Variants in RAD54B observed in about 807,000 individuals in gnomAD.
RAD54B encodes DNA repair and recombination protein RAD54B.
In RAD54B, 78 loss-of-function variants were observed where a neutral mutation model predicts 95.8. That is an observed-to-expected ratio of 0.81 (90% CI 0.68 to 0.98). The LOEUF (loss-of-function observed/expected upper bound fraction) is 0.98. Ranked by LOEUF, RAD54B falls within the 50% of genes least tolerant of loss-of-function variation. The pLI, the probability that RAD54B is intolerant of heterozygous loss-of-function variation, is 0.00. For synonymous variants in RAD54B, 328 were observed against 354.9 expected, an observed-to-expected ratio of 0.92 and a Z score of 0.85; for missense variants, 957 against 1,056.6, an observed-to-expected ratio of 0.91 and a Z score of 1.31.
chr8:94,438,197 T>C (rs1319114570), intron 3 of RAD54B, among the ~76,000 whole-genome samples: 1 of 152,222 alleles, frequency 6.6e-6, no homozygotes, highest in African/African-American at 2.4e-5. Flanking sequence ...TTTTTCATTC[T>C]TTTAACAATG....
In RAD54B at chr8:94,474,989, T is replaced by G. The variant is rs1204162803; in HGVS notation, c.-17+12A>C. ...TGTCGCAGCCTCCCGAGCTTCCCCC[T>G]GCAGGACGCACCGGCGAAAATCTGA... On this transcript the variant is annotated intron_variant, in intron 1 of 14. Coordinates refer to ENST00000336148, the MANE Select transcript of RAD54B (RefSeq NM_012415.3). 1 of 152,436 alleles carries G rather than the reference T, an allele frequency of 6.6e-6. No homozygotes were observed. The highest frequency in any genetic ancestry group is 1.5e-5 in the Non-Finnish European group (1 of 68,226). 9.4% of individuals were successfully genotyped at this position (152,436 alleles called of 1,614,324 possible).
In RAD54B at chr8:94,465,704, T is replaced by C. The variant is rs1472391788; in HGVS notation, c.135+1701A>G. Among the ~76,000 whole-genome samples the C allele has an allele frequency of 2.0e-5, 3 of 152,242 alleles. No individual in the cohort carries two copies. In the East Asian group the frequency reaches 5.8e-4, roughly 29 times the overall value. ...ACAGGAACACAAACAGAAACTTGGA[T>C]GCCAATGTTCACAGCAGCATTATTC... On this transcript the variant is annotated intron_variant, in intron 2 of 14. Coordinates refer to ENST00000336148, the MANE Select transcript of RAD54B (RefSeq NM_012415.3).
intron 3 of RAD54B, among the ~76,000 whole-genome samples, chr8:94,423,149 C>A (rs112893998): frequency 3.3e-5 from 5 of 151,974 alleles, no homozygotes; most frequent in Non-Finnish European, 7.4e-5. Context: ...TTTGGGAGGC[C>A]GAGGCAGGCT....
At chr8:94,458,487 T>C in intron 2 of RAD54B, 51 bp from the exon 3 acceptor site, 1 of 1,236,128 alleles carries the variant, frequency 8.1e-7, no homozygotes, top group Non-Finnish European at 1.0e-6. Context: ...TAATTTTCTG[T>C]ATTTTCTGTA....
chr8:94,436,391 C>T, intron 3 of RAD54B: 1 of 1,333,720 alleles, frequency 7.5e-7, no homozygotes. Context: ...TTCATTGCTC[C>T]CGTTGTGGGG....
In RAD54B at chr8:94,426,311, G is replaced by T. The variant is rs1367974073; in HGVS notation, c.305-14996C>A. 4.0e-5 allele frequency among the ~76,000 whole-genome samples: 6 copies of T among 151,228 alleles called. No homozygotes were observed. In the East Asian group the frequency reaches 1.2e-3, roughly 29 times the overall value. ...TACCCTGTTGATGGAAGTGTAAAAT[G>T]ATATAATCACTTTAGAAAATGTCTG... On this transcript the variant is annotated intron_variant, in intron 3 of 14. Coordinates refer to ENST00000336148, the MANE Select transcript of RAD54B (RefSeq NM_012415.3).
intron 3 of RAD54B, chr8:94,428,793 A>C: frequency 1.0e-6 from 1 of 985,306 alleles, no homozygotes; most frequent in Non-Finnish European, 1.2e-6. Context: ...ACTTGTCCTC[A>C]ACAAAAACTG....
At chr8:94,448,663 T>C (rs1310626342) in intron 3 of RAD54B, among the ~76,000 whole-genome samples, 3 of 146,866 alleles carry the variant, frequency 2.0e-5, no homozygotes, top group Non-Finnish European at 3.0e-5. Context: ...AGAAAAATAC[T>C]GCATCTCACG....
intron 13 of RAD54B, 49 bp from the exon 14 acceptor site, chr8:94,378,429 A>AT: frequency 6.5e-7 from 1 of 1,547,898 alleles, no homozygotes; most frequent in Non-Finnish European, 8.8e-7. Flanking sequence ...TATGTTCATT[A>AT]TTTTTGTTGG....
chr8:94,389,543 C>T (rs762634011), intron 10 of RAD54B, among the ~76,000 whole-genome samples: 3 of 152,260 alleles, frequency 2.0e-5, no homozygotes, highest in East Asian at 1.9e-4. Flanking sequence ...TCAAGCTAAT[C>T]GCGACACTAT....
chr8:94,436,406 TTAC>T, intron 3 of RAD54B: 1 of 1,398,290 alleles, frequency 7.2e-7, no homozygotes, highest in Non-Finnish European at 9.4e-7. Context: ...GTGGGGATGC[TTAC>T]TATGCATATC....
At chr8:94,396,875 G>A (rs921651990) in intron 8 of RAD54B, among the ~76,000 whole-genome samples, 7 of 152,132 alleles carry the variant, frequency 4.6e-5, no homozygotes, top group Non-Finnish European at 7.4e-5. Flanking sequence ...AGAAGAGAGA[G>A]AGATACTCCA....
intron 3 of RAD54B, among the ~76,000 whole-genome samples, chr8:94,448,694 T>TTAAA (rs1554609363): frequency 7.2e-6 from 1 of 138,330 alleles, no homozygotes. Flanking sequence ...AATGTTACTT[T>TTAAA]AAAAAAAAAA....
At position 94,378,501 on chromosome 8, in the gene RAD54B, A is replaced by G. The variant is rs1009469310; in HGVS notation, c.2314+67T>C. 4.1e-6 allele frequency: 6 copies of G among 1,472,162 alleles called. No individual in the cohort carries two copies. In the African/African-American group the frequency reaches 7.1e-5, roughly 17 times the overall value. The allele number at this position is 1,472,162 out of a possible 1,614,324, so 91.2% of individuals were successfully genotyped here. On this transcript the variant is annotated intron_variant, in intron 13 of 14. Transcript: ENST00000336148. ...CAATATATTCCTGACACTGAAGCACAGGCTAACAAAAAATAATTTTAATTA... is the reference window on the plus strand; with the variant it reads ...CAATATATTCCTGACACTGAAGCACGGGCTAACAAAAAATAATTTTAATTA...
chr8:94,386,938 A>G, intron 11 of RAD54B, 46 bp downstream of exon 11: 1 of 1,371,272 alleles, frequency 7.3e-7, no homozygotes, highest in Non-Finnish European at 9.7e-7. Flanking sequence ...AAATAGTGCA[A>G]ACTAAAACTC....
Position 94,467,460 on chromosome 8 carries a change from T to C in RAD54B, c.80A>G (p.Asn27Ser). The change falls in exon 2 of 15, where the codon AAT becomes AGT. Residue 27 changes from asparagine to serine, a missense_variant. Transcript: ENST00000336148. ...KPKFIPPGRSNPGLNEEITKL... is the reference protein window; with the variant it reads ...KPKFIPPGRSSPGLNEEITKL... ...TGTAATCTCTTCATTCAGACCTGGATTACTTCTTCCTGGAGGTATAAATTT... is the reference window on the plus strand; with the variant it reads ...TGTAATCTCTTCATTCAGACCTGGACTACTTCTTCCTGGAGGTATAAATTT... 1 of 1,613,684 alleles carries C rather than the reference T, an allele frequency of 6.2e-7. No individual in the cohort carries two copies. The highest frequency in any genetic ancestry group is 8.5e-7 in the Non-Finnish European group (1 of 1,179,812).
chr8:94,422,775 T>TATATATATAA (rs1480138158), intron 3 of RAD54B, among the ~76,000 whole-genome samples: 4 of 143,034 alleles, frequency 2.8e-5, no homozygotes, highest in African/African-American at 1.0e-4. Context: ...TATATATATA[T>TATATATATAA]AATTGTTAGG....
At chr8:94,435,589 G>A (rs1475615059) in intron 3 of RAD54B, among the ~76,000 whole-genome samples, 1 of 152,020 alleles carries the variant, frequency 6.6e-6, no homozygotes, top group African/African-American at 2.4e-5. Context: ...GAATGTAGCT[G>A]CCATTTTTAT....
At chr8:94,456,234 C>T (rs774884691) in intron 3 of RAD54B, among the ~76,000 whole-genome samples, 99 of 152,134 alleles carry the variant, frequency 6.5e-4, no homozygotes, top group Non-Finnish European at 2.9e-4. Context: ...TCTGTAAACA[C>T]GCAGTGTTAT....
Sources: allele counts gnomAD v4.1 joint callset (sites outside exome capture counted in the v4.1 genomes callset), GRCh38; gene constraint gnomAD v4.1.1; transcripts MANE v1.5; gene names NCBI Gene and HGNC (gene_info 2026-07-23, HGNC 2026-07-21).